Variants in MEF2A observed in about 807,000 individuals in gnomAD.
MEF2A encodes the protein myocyte-specific enhancer factor 2A.
In MEF2A, 28 loss-of-function variants were observed where a neutral mutation model predicts 55.8. That is an observed-to-expected ratio of 0.50 (90% confidence interval 0.37 to 0.69). The LOEUF is 0.69. Among genes scored for constraint, MEF2A ranks in the 30% least tolerant of loss-of-function variants. The probability of loss-of-function intolerance (pLI) is 0.00; values close to 1 mark genes in which losing one functional copy is unlikely to be tolerated. For synonymous variants in MEF2A, 239 were observed against 227.1 expected (o/e 1.05, Z -0.47); for missense variants, 528 against 626.2 (o/e 0.84, Z 1.67).
At chr15:99,602,404 T>G (rs1440679014) in intron 2 of MEF2A, among the ~76,000 whole-genome samples, 1 of 152,092 alleles carries the variant, frequency 6.6e-6, no homozygotes, top group Admixed American at 6.6e-5. Context: ...ATTCTTCCCT[T>G]AACAGTCCAA....
intron 7 of MEF2A, among the ~76,000 whole-genome samples, chr15:99,684,711 T>A (rs1340022985): frequency 6.6e-6 from 1 of 152,222 alleles, no homozygotes. Context: ...TTAGGTCCCA[T>A]CTATTTATTT....
At chr15:99,693,283 A>G (rs1162235689) in intron 8 of MEF2A, among the ~76,000 whole-genome samples, 1 of 152,242 alleles carries the variant, frequency 6.6e-6, no homozygotes, top group Non-Finnish European at 1.5e-5. Context: ...TCCAAGAGCT[A>G]TGCACCATTA....
chr15:99,683,374 A>G (rs2053594544), intron 7 of MEF2A, among the ~76,000 whole-genome samples: 1 of 152,162 alleles, frequency 6.6e-6, no homozygotes. Flanking sequence ...GAGGGTAAGG[A>G]AGAAAAAACC....
chr15:99,667,444 C>CA (rs2050017899), intron 4 of MEF2A, among the ~76,000 whole-genome samples: 1 of 152,058 alleles, frequency 6.6e-6, no homozygotes, highest in African/African-American at 2.4e-5. Flanking sequence ...AGGATGGTCT[C>CA]AATCTCCTGA....
At chr15:99,676,820 T>G (rs2052192543) in intron 7 of MEF2A, among the ~76,000 whole-genome samples, 2 of 152,178 alleles carry the variant, frequency 1.3e-5, no homozygotes, top group Non-Finnish European at 2.9e-5. Context: ...TCTGCCTGCC[T>G]TGACCTCCCA....
At chr15:99,592,913 G>A (rs148192850) in intron 1 of MEF2A, among the ~76,000 whole-genome samples, 8 of 152,256 alleles carry the variant, frequency 5.3e-5, no homozygotes, top group African/African-American at 1.9e-4. Context: ...CACACTGAAT[G>A]TTAGGGATGT....
At chr15:99,707,637 C>T (rs911311512) in intron 10 of MEF2A, among the ~76,000 whole-genome samples, 2 of 152,166 alleles carry the variant, frequency 1.3e-5, no homozygotes, top group Non-Finnish European at 2.9e-5. Flanking sequence ...CATGTGGTTT[C>T]GCTTTCTCAT....
At chr15:99,643,895 A>G (rs1036993256) in intron 3 of MEF2A, among the ~76,000 whole-genome samples, 1 of 152,162 alleles carries the variant, frequency 6.6e-6, no homozygotes, top group Admixed American at 6.5e-5. Context: ...CCTGCTGAGA[A>G]TTTTAAAGTA....
At chr15:99,656,775 A>G (rs1422226396) in intron 4 of MEF2A, among the ~76,000 whole-genome samples, 1 of 152,144 alleles carries the variant, frequency 6.6e-6, no homozygotes, top group Non-Finnish European at 1.5e-5. Context: ...CATACCTGAG[A>G]TTAACTTTTT....
intron 7 of MEF2A, among the ~76,000 whole-genome samples, chr15:99,686,229 G>A (rs982869163): frequency 1.3e-5 from 2 of 152,054 alleles, no homozygotes; most frequent in Admixed American, 1.3e-4. Context: ...TATATTCAAC[G>A]TTAATATTGA....
intron 1 of MEF2A, among the ~76,000 whole-genome samples, chr15:99,598,083 A>T (rs1338335111): frequency 2.0e-5 from 3 of 152,256 alleles, no homozygotes; most frequent in Non-Finnish European, 4.4e-5. Context: ...TAAGTTCAAT[A>T]GGCTATACGC....
intron 5 of MEF2A, among the ~76,000 whole-genome samples, chr15:99,674,112 GTTTATCCTC>G (rs1486012440): frequency 6.6e-6 from 1 of 152,018 alleles, no homozygotes; most frequent in Non-Finnish European, 1.5e-5. Flanking sequence ...TGATTATCAG[GTTTATCCTC>G]TTAAATTTGT....
chr15:99,571,425 C>T (rs1028536634), intron 1 of MEF2A, among the ~76,000 whole-genome samples: 61 of 152,064 alleles, frequency 4.0e-4, no homozygotes, highest in Admixed American at 3.9e-3. Context: ...ATTAATTTTC[C>T]TCCTACCATT....
intron 8 of MEF2A, among the ~76,000 whole-genome samples, chr15:99,702,056 C>A (rs973932116): frequency 6.6e-6 from 1 of 152,138 alleles, no homozygotes; most frequent in South Asian, 2.1e-4. Flanking sequence ...AAAGTGAAAA[C>A]CATATGTTTT....
At chr15:99,700,204 A>ACACACC in intron 8 of MEF2A, among the ~76,000 whole-genome samples, 1 of 139,724 alleles carries the variant, frequency 7.2e-6, no homozygotes, top group Admixed American at 7.1e-5. Flanking sequence ...ACACACACAC[A>ACACACC]CACACACACA....
chr15:99,708,798 A>G (rs1010689766), intron 10 of MEF2A, among the ~76,000 whole-genome samples: 11 of 152,160 alleles, frequency 7.2e-5, no homozygotes, highest in African/African-American at 2.4e-4. Flanking sequence ...AGGAAGGAAC[A>G]TGCGTGACTC....
intron 2 of MEF2A, among the ~76,000 whole-genome samples, chr15:99,630,824 CTG>C (rs1324125248): frequency 6.6e-6 from 1 of 152,160 alleles, no homozygotes; most frequent in African/African-American, 2.4e-5. Context: ...TCTTTGGAGT[CTG>C]TCCCTATGCC....
At chr15:99,683,488 C>T (rs1303042975) in intron 7 of MEF2A, among the ~76,000 whole-genome samples, 3 of 152,106 alleles carry the variant, frequency 2.0e-5, no homozygotes, top group African/African-American at 7.2e-5. Context: ...CTCACTGCAG[C>T]CTCCACCTCT....
intron 1 of MEF2A, among the ~76,000 whole-genome samples, chr15:99,588,181 G>A (rs560594440): frequency 2.6e-5 from 4 of 151,882 alleles, no homozygotes; most frequent in African/African-American, 4.8e-5. Context: ...CAGTGGCACC[G>A]TCATGGCTCA....
Sources: allele counts gnomAD v4.1 joint callset (sites outside exome capture counted in the v4.1 genomes callset), GRCh38; gene constraint gnomAD v4.1.1; transcripts MANE v1.5; gene names NCBI Gene and HGNC (gene_info 2026-07-23, HGNC 2026-07-21).